ARB2A: variants seen among roughly 807,000 people sequenced by gnomAD.
The protein encoded by ARB2A is cotranscriptional regulator ARB2A.
the ARB2A span, among the ~76,000 whole-genome samples, chr5:93,814,626 A>G: frequency 6.6e-6 from 1 of 152,160 alleles, no homozygotes. Flanking sequence ...CCACTTCACA[A>G]ATATCCCCTA....
chr5:93,834,268 A>AT, the ARB2A span, among the ~76,000 whole-genome samples: 1 of 152,234 alleles, frequency 6.6e-6, no homozygotes, highest in African/African-American at 2.4e-5. Flanking sequence ...GTGTGAGACC[A>AT]TAAGTATTGT....
chr5:93,951,900 A>G, the ARB2A span, among the ~76,000 whole-genome samples: 14 of 152,306 alleles, frequency 9.2e-5, no homozygotes, highest in East Asian at 5.8e-4. Context: ...TTTCCTAAAT[A>G]TAAGAGATAA....
At chr5:94,060,426 C>T in the ARB2A span, among the ~76,000 whole-genome samples, 2,624 of 152,034 alleles carry the variant, frequency 0.017, 20 homozygotes, top group Non-Finnish European at 0.026. Flanking sequence ...CGAAATGGTC[C>T]GAGACCTTAA....
chr5:93,642,111 G>T, the ARB2A span, among the ~76,000 whole-genome samples: 1 of 151,972 alleles, frequency 6.6e-6, no homozygotes, highest in South Asian at 2.1e-4. Context: ...CTCTGGAGCA[G>T]CTGGGACCAC....
the ARB2A span, among the ~76,000 whole-genome samples, chr5:93,816,173 A>G: frequency 6.6e-6 from 1 of 152,114 alleles, no homozygotes; most frequent in East Asian, 1.9e-4. Context: ...GTCCTTTCCA[A>G]TTTGAGATGT....
the ARB2A span, among the ~76,000 whole-genome samples, chr5:93,751,682 A>G: frequency 6.6e-6 from 1 of 152,232 alleles, no homozygotes; most frequent in Non-Finnish European, 1.5e-5. Flanking sequence ...AGTTCATTTT[A>G]GTACCAAAGA....
the ARB2A span, among the ~76,000 whole-genome samples, chr5:93,926,277 G>A: frequency 2.0e-5 from 3 of 151,902 alleles, no homozygotes; most frequent in African/African-American, 4.8e-5. Context: ...TTACAGGCAT[G>A]TGCCACCATG....
the ARB2A span, among the ~76,000 whole-genome samples, chr5:94,082,157 T>A: frequency 6.6e-6 from 1 of 152,152 alleles, no homozygotes; most frequent in Non-Finnish European, 1.5e-5. Context: ...CAGTTCTCTG[T>A]CAATGGTAAT....
the ARB2A span, among the ~76,000 whole-genome samples, chr5:93,892,898 C>A: frequency 2.0e-5 from 3 of 152,128 alleles, no homozygotes; most frequent in Non-Finnish European, 4.4e-5. Flanking sequence ...TGTCTAAAAA[C>A]CCTGGATGAT....
chr5:93,764,117 C>T, the ARB2A span, among the ~76,000 whole-genome samples: 1 of 152,014 alleles, frequency 6.6e-6, no homozygotes, highest in Non-Finnish European at 1.5e-5. Flanking sequence ...AAATTGACAC[C>T]CTAATATCAC....
chr5:93,966,520 T>C, the ARB2A span, among the ~76,000 whole-genome samples: 1 of 152,090 alleles, frequency 6.6e-6, no homozygotes, highest in Non-Finnish European at 1.5e-5. Flanking sequence ...ATTTGCAACA[T>C]AGCAAACCAA....
the ARB2A span, among the ~76,000 whole-genome samples, chr5:93,684,026 T>C: frequency 1.3e-5 from 2 of 152,286 alleles, no homozygotes; most frequent in Middle Eastern, 6.8e-3. Context: ...CTTTCTCCCT[T>C]TTTACAAAAC....
At chr5:93,883,345 A>C in the ARB2A span, among the ~76,000 whole-genome samples, 1 of 151,650 alleles carries the variant, frequency 6.6e-6, no homozygotes, top group Non-Finnish European at 1.5e-5. Context: ...TGCTTCTTTC[A>C]CAAAAAGCTT....
At chr5:94,063,186 C>A in the ARB2A span, among the ~76,000 whole-genome samples, 1 of 151,906 alleles carries the variant, frequency 6.6e-6, no homozygotes, top group African/African-American at 2.4e-5. Context: ...GTCCACCTGG[C>A]CTGGCACACC....
the ARB2A span, among the ~76,000 whole-genome samples, chr5:93,992,908 C>G: frequency 1.3e-5 from 2 of 151,894 alleles, no homozygotes; most frequent in African/African-American, 4.8e-5. Context: ...CAATTCAAGA[C>G]ATTTCAAAAA....
At chr5:93,722,417 C>T in the ARB2A span, among the ~76,000 whole-genome samples, 22 of 151,954 alleles carry the variant, frequency 1.4e-4, 1 homozygote, top group Non-Finnish European at 2.9e-5. Context: ...AAATCTATAA[C>T]GTATATCATA....
At chr5:93,854,952 G>A in the ARB2A span, among the ~76,000 whole-genome samples, 1 of 152,180 alleles carries the variant, frequency 6.6e-6, no homozygotes, top group Non-Finnish European at 1.5e-5. Flanking sequence ...GGGGTGGAGA[G>A]TTCTGTAGAT....
chr5:93,637,985 C>A, the ARB2A span, among the ~76,000 whole-genome samples: 5 of 152,188 alleles, frequency 3.3e-5, no homozygotes, highest in Non-Finnish European at 7.3e-5. Context: ...AATAAAAACT[C>A]TGGATACCAA....
chr5:93,963,153 T>C, the ARB2A span, among the ~76,000 whole-genome samples: 1 of 152,000 alleles, frequency 6.6e-6, no homozygotes, highest in South Asian at 2.1e-4. Context: ...CTGGGCAAAG[T>C]GACAAAATTC....
Sources: allele counts gnomAD v4.1 joint callset (sites outside exome capture counted in the v4.1 genomes callset), GRCh38; gene constraint gnomAD v4.1.1; transcripts MANE v1.5; gene names NCBI Gene and HGNC (gene_info 2026-07-23, HGNC 2026-07-21).